The following PRELID2 variants were observed in gnomAD, a reference collection of about 807,000 sequenced individuals.
PRELID2 encodes PRELI domain containing 2, also known as PRELI domain-containing protein 2.
In PRELID2, 25 loss-of-function variants were observed where a neutral mutation model predicts 28.4. The observed-to-expected ratio is 0.88, with a 90% confidence interval of 0.64 to 1.23. PRELID2 has a LOEUF of 1.23. Among genes scored for constraint, PRELID2 ranks in the 50% most tolerant of loss-of-function variants. The pLI, the probability that PRELID2 is intolerant of heterozygous loss-of-function variation, is 0.00. For missense variants in PRELID2, 201 were observed against 214.4 expected (o/e 0.94, Z 0.39); for synonymous variants, 76 against 71.6 (o/e 1.06, Z -0.31).
chr5:145,781,612 C>A (rs1751605960), intron 5 of PRELID2, among the ~76,000 whole-genome samples: 1 of 145,560 alleles, frequency 6.9e-6, no homozygotes, highest in African/African-American at 2.5e-5. Context: ...TATATACACA[C>A]TATATATATA....
At chr5:145,376,107 G>C in the PRELID2 span, among the ~76,000 whole-genome samples, 1 of 152,066 alleles carries the variant, frequency 6.6e-6, no homozygotes, top group African/African-American at 2.4e-5. Flanking sequence ...AACATGCAGT[G>C]GTGTTAAAAT....
At chr5:145,344,439 A>G in the PRELID2 span, among the ~76,000 whole-genome samples, 1 of 152,076 alleles carries the variant, frequency 6.6e-6, no homozygotes, top group Non-Finnish European at 1.5e-5. Context: ...AGATTCTAAT[A>G]TTATATATCA....
chr5:145,601,741 T>C (rs988488884), intron 1 of PRELID2, among the ~76,000 whole-genome samples: 1 of 152,200 alleles, frequency 6.6e-6, no homozygotes, highest in African/African-American at 2.4e-5. Context: ...ATGTGTAACT[T>C]TGACACAGTA....
At chr5:145,714,214 A>C (rs890543910) in intron 1 of PRELID2, among the ~76,000 whole-genome samples, 3 of 152,104 alleles carry the variant, frequency 2.0e-5, no homozygotes, top group African/African-American at 7.2e-5. Flanking sequence ...TTTAGGCACA[A>C]CACCAACCAC....
chr5:145,638,052 G>T (rs758621988), intron 1 of PRELID2, among the ~76,000 whole-genome samples: 2 of 152,044 alleles, frequency 1.3e-5, no homozygotes, highest in Admixed American at 1.3e-4. Flanking sequence ...CTCAGGTGAT[G>T]CCCCTGCCTT....
intron 1 of PRELID2, among the ~76,000 whole-genome samples, chr5:145,590,093 C>A (rs931676024): frequency 6.6e-6 from 1 of 152,104 alleles, no homozygotes; most frequent in African/African-American, 2.4e-5. Context: ...CTTATCTTTC[C>A]AACTTTACCT....
At chr5:145,424,202 C>T in the PRELID2 span, among the ~76,000 whole-genome samples, 1 of 152,040 alleles carries the variant, frequency 6.6e-6, no homozygotes, top group Non-Finnish European at 1.5e-5. Flanking sequence ...TGTCTGTGCC[C>T]TGCCCCCAGA....
chr5:145,265,086 T>C, the PRELID2 span, among the ~76,000 whole-genome samples: 156 of 151,274 alleles, frequency 1.0e-3, no homozygotes, highest in African/African-American at 3.8e-3. Context: ...CTCCTAGAAC[T>C]GGTAAATTAA....
the PRELID2 span, among the ~76,000 whole-genome samples, chr5:145,408,287 T>C: frequency 2.0e-5 from 3 of 151,620 alleles, no homozygotes; most frequent in Admixed American, 1.3e-4. Context: ...CAGCAATGGA[T>C]ACAAACTAAG....
chr5:145,562,441 T>A (rs868731951), intron 1 of PRELID2, among the ~76,000 whole-genome samples: 2 of 152,226 alleles, frequency 1.3e-5, no homozygotes, highest in African/African-American at 2.4e-5. Flanking sequence ...TTAATGTACA[T>A]CTAGATGATC....
At chr5:145,424,557 C>T in the PRELID2 span, among the ~76,000 whole-genome samples, 8 of 152,202 alleles carry the variant, frequency 5.3e-5, no homozygotes, top group African/African-American at 1.2e-4. Context: ...TGACCCCTTG[C>T]GCTTCCCAAG....
At chr5:145,576,676 TA>T (rs61665534) in intron 1 of PRELID2, among the ~76,000 whole-genome samples, 715 of 141,382 alleles carry the variant, frequency 5.1e-3, no homozygotes, top group East Asian at 0.016. Context: ...AGCACAATAG[TA>T]AAAAAAAAAA....
At chr5:145,392,129 G>C in the PRELID2 span, among the ~76,000 whole-genome samples, 1 of 152,050 alleles carries the variant, frequency 6.6e-6, no homozygotes, top group Admixed American at 6.6e-5. Flanking sequence ...CCCACTCTCT[G>C]TGGTACCAAT....
intron 1 of PRELID2, among the ~76,000 whole-genome samples, chr5:145,600,434 A>AAAAT (rs1315631607): frequency 8.3e-5 from 10 of 120,098 alleles, no homozygotes; most frequent in African/African-American, 3.3e-4. Flanking sequence ...AAAAAAAAAA[A>AAAAT]ATATATATAT....
At chr5:145,267,080 A>T in the PRELID2 span, among the ~76,000 whole-genome samples, 1 of 151,894 alleles carries the variant, frequency 6.6e-6, no homozygotes, top group Non-Finnish European at 1.5e-5. Flanking sequence ...ACAATAGGCC[A>T]TCTGCAAGCC....
the PRELID2 span, among the ~76,000 whole-genome samples, chr5:145,453,479 T>C: frequency 1.3e-5 from 2 of 152,196 alleles, no homozygotes; most frequent in East Asian, 3.9e-4. Flanking sequence ...ATATTTTTAT[T>C]CTACTTTAAG....
At chr5:145,362,588 T>C in the PRELID2 span, among the ~76,000 whole-genome samples, 3 of 152,180 alleles carry the variant, frequency 2.0e-5, no homozygotes, top group Non-Finnish European at 2.9e-5. Context: ...GCTGGATGAA[T>C]ACATAACATT....
intron 1 of PRELID2, among the ~76,000 whole-genome samples, chr5:145,742,116 AAAATTTAT>A (rs1756826796): frequency 8.0e-6 from 1 of 124,870 alleles, no homozygotes; most frequent in East Asian, 2.3e-4. Flanking sequence ...ATATATAAAT[AAAATTTAT>A]TAATTATAAA....
chr5:145,701,622 C>T (rs1260363753), intron 1 of PRELID2, among the ~76,000 whole-genome samples: 1 of 152,114 alleles, frequency 6.6e-6, no homozygotes, highest in Non-Finnish European at 1.5e-5. Context: ...GACAACTATG[C>T]CATCAACAAA....
Sources: gnomAD v4.1 joint callset for allele counts (sites outside exome capture counted in the v4.1 genomes callset) on GRCh38, gnomAD v4.1.1 for gene constraint, MANE v1.5 for transcripts, NCBI Gene and HGNC (gene_info 2026-07-23, HGNC 2026-07-21) for gene names.